KIAA0930: variants seen among roughly 807,000 people sequenced by gnomAD.
The protein encoded by KIAA0930 is KIAA0930.
In KIAA0930, 24 loss-of-function variants were observed where a neutral mutation model predicts 43.9. The ratio of observed to expected loss-of-function variants is 0.55; its 90% confidence interval spans 0.40 to 0.77. The LOEUF is 0.77. Among genes scored for constraint, KIAA0930 ranks in the 30% least tolerant of loss-of-function variants. The pLI is 0.00. For missense variants in KIAA0930, 461 were observed against 574.2 expected, an observed-to-expected ratio of 0.80 and a Z score of 2.02; for synonymous variants, 259 against 216.4, an observed-to-expected ratio of 1.20 and a Z score of -1.73.
intron 1 of KIAA0930, among the ~76,000 whole-genome samples, chr22:45,228,102 G>T (rs1000990132): frequency 6.6e-6 from 1 of 152,200 alleles, no homozygotes; most frequent in Non-Finnish European, 1.5e-5. Flanking sequence ...CCCAAAGTGT[G>T]AAGTCACAGT....
At chr22:45,233,891 G>A (rs899230814) in intron 1 of KIAA0930, among the ~76,000 whole-genome samples, 1 of 152,226 alleles carries the variant, frequency 6.6e-6, no homozygotes, top group Non-Finnish European at 1.5e-5. Flanking sequence ...GCCCAGCACC[G>A]CATGCAGGAG....
chr22:45,230,370 G>C (rs925584473), intron 1 of KIAA0930, among the ~76,000 whole-genome samples: 5 of 152,146 alleles, frequency 3.3e-5, no homozygotes, highest in African/African-American at 1.2e-4. Context: ...GCTGGCACTT[G>C]AGAAAATAGC....
intron 1 of KIAA0930, among the ~76,000 whole-genome samples, chr22:45,228,769 CCCCA>C (rs1569083699): frequency 3.6e-4 from 7 of 19,548 alleles, no homozygotes; most frequent in East Asian, 9.1e-3. Flanking sequence ...AAAGATCCCT[CCCCA>C]TCCCCCCCAA....
Position 45,197,058 on chromosome 22 carries a change from G to A in KIAA0930, c.*118C>T, listed in dbSNP as rs574273690. The A allele has an allele frequency of 2.4e-4, 210 of 886,598 alleles. No individual in the cohort carries two copies. The African/African-American group carries it at 3.4e-3, about 14-fold the overall frequency. The allele number at this position is 886,598 out of a possible 1,614,324, so 54.9% of individuals were successfully genotyped here. ...CCCCGGGAGTCGAGTGGCCTCGCCT[G>A]GCTGCGGCTCCAGCACTGGCGTGCC... On this transcript the variant is annotated 3_prime_UTR_variant, in exon 10 of 10. Transcript: ENST00000336156.
Position 45,194,099 on chromosome 22 carries a change from A to G in KIAA0930, c.*3077T>C, listed in dbSNP as rs1325524796. Reference sequence around the variant, plus strand: ...TTTTTTTTTTTTTTTTTTGAGACAGAGTTTCGCTCTCGTTGCCCAGGCTAG... The same window carrying G: ...TTTTTTTTTTTTTTTTTTGAGACAGGGTTTCGCTCTCGTTGCCCAGGCTAG... On this transcript the variant is annotated 3_prime_UTR_variant, in exon 10 of 10. Coordinates refer to ENST00000336156, the MANE Select transcript of KIAA0930 (RefSeq NM_001009880.2). 1.2e-5 allele frequency: 1 copy of G among 86,270 alleles called. No homozygotes were observed. The highest frequency in any genetic ancestry group is 4.3e-4 in the South Asian group (1 of 2,328). 5.3% of individuals were successfully genotyped at this position (86,270 alleles called of 1,614,324 possible).
chr22:45,231,067 G>A (rs1311861051), intron 1 of KIAA0930, among the ~76,000 whole-genome samples: 1 of 151,784 alleles, frequency 6.6e-6, no homozygotes, highest in East Asian at 1.9e-4. Flanking sequence ...TGACCAACAT[G>A]GTGAAACCCC....
At chr22:45,226,226 T>G in intron 1 of KIAA0930, 2 of 470,962 alleles carry the variant, frequency 4.2e-6, no homozygotes, top group Non-Finnish European at 8.8e-6. Context: ...ATCCTCGAAG[T>G]GCTTTCACAA....
At chr22:45,236,387 T>C (rs2083888614) in intron 1 of KIAA0930, 1 of 152,412 alleles carries the variant, frequency 6.6e-6, no homozygotes, top group East Asian at 1.9e-4. Context: ...CCTCGACTTA[T>C]ACAGCCCTGC....
intron 8 of KIAA0930, 142 bp from the exon 9 acceptor site, chr22:45,198,090 C>G: frequency 1.3e-6 from 1 of 751,910 alleles, no homozygotes; most frequent in East Asian, 2.6e-5. Flanking sequence ...CCAGCACCCA[C>G]ACGCTCCAGA....
chr22:45,204,037 A>G, intron 5 of KIAA0930, 52 bp from the exon 6 acceptor site: 1 of 1,609,646 alleles, frequency 6.2e-7, no homozygotes, highest in Non-Finnish European at 8.5e-7. Context: ...CCCACCGCCC[A>G]CACCACAGCC....
chr22:45,200,944 AG>A (rs2083583075), intron 7 of KIAA0930: 1 of 496,732 alleles, frequency 2.0e-6, no homozygotes, highest in African/African-American at 1.9e-5. Context: ...AAGGACGAGT[AG>A]GAGTTCGCCA....
intron 1 of KIAA0930, among the ~76,000 whole-genome samples, chr22:45,229,077 T>C (rs1327373459): frequency 6.4e-5 from 2 of 31,342 alleles, no homozygotes; most frequent in Non-Finnish European, 5.9e-5. Context: ...AAGATCCCTC[T>C]CCACCCCCCA....
chr22:45,203,788 T>G (rs2083611109), intron 6 of KIAA0930, 57 bp downstream of exon 6: 6 of 1,576,564 alleles, frequency 3.8e-6, no homozygotes. Context: ...CACGGTGGGC[T>G]GTGGAGCCGC....
chr22:45,229,702 C>G (rs749981115), intron 1 of KIAA0930, among the ~76,000 whole-genome samples: 55 of 152,232 alleles, frequency 3.6e-4, no homozygotes, highest in Non-Finnish European at 7.1e-4. Flanking sequence ...GGGAAACCCC[C>G]TCCAACAAGT....
At chr22:45,213,525 T>C in intron 1 of KIAA0930, 1 of 1,163,756 alleles carries the variant, frequency 8.6e-7, no homozygotes, top group Non-Finnish European at 1.1e-6. Context: ...CAGAGTCGCT[T>C]TGAAATTCCT....
chr22:45,239,340 C>T (rs2083904147), intron 1 of KIAA0930, among the ~76,000 whole-genome samples: 1 of 152,228 alleles, frequency 6.6e-6, no homozygotes, highest in Admixed American at 6.5e-5. Context: ...AAGCACGCTC[C>T]AACTTCTGCT....
At chr22:45,216,025 C>T (rs533878229) in intron 1 of KIAA0930, among the ~76,000 whole-genome samples, 87 of 98,160 alleles carry the variant, frequency 8.9e-4, no homozygotes, top group Non-Finnish European at 1.2e-3. Context: ...GAGACTCCGT[C>T]TCAAAAAAAA....
intron 2 of KIAA0930, among the ~76,000 whole-genome samples, chr22:45,208,766 A>T (rs1346315641): frequency 6.6e-6 from 1 of 152,248 alleles, no homozygotes; most frequent in Non-Finnish European, 1.5e-5. Flanking sequence ...AAAAGGAAAA[A>T]GTGAGACTGG....
Position 45,197,748 on chromosome 22 carries a change from T to C in KIAA0930, c.1174+42A>G, listed in dbSNP as rs752383067. 9 of 1,607,104 alleles carry C rather than the reference T, an allele frequency of 5.6e-6. No homozygotes were observed. The African/African-American group carries it at 8.0e-5, about 14-fold the overall frequency. On this transcript the variant is annotated intron_variant, in intron 9 of 9. Coordinates refer to ENST00000336156, the MANE Select transcript of KIAA0930 (RefSeq NM_001009880.2). ...CCAAGGCCCTGGAGGCAGAGCTGGCTGTGAGAAGGTGCGGCTGCTTCCCCA... is the reference window on the plus strand; with the variant it reads ...CCAAGGCCCTGGAGGCAGAGCTGGCCGTGAGAAGGTGCGGCTGCTTCCCCA...
Sources: allele counts gnomAD v4.1 joint callset (sites outside exome capture counted in the v4.1 genomes callset), GRCh38; gene constraint gnomAD v4.1.1; transcripts MANE v1.5; gene names NCBI Gene and HGNC (gene_info 2026-07-23, HGNC 2026-07-21).